Variants in PLEKHM3 observed in about 807,000 individuals in gnomAD.
PLEKHM3 encodes pleckstrin homology domain containing M3, also known as pleckstrin homology domain-containing family M member 3.
Under a neutral mutation model 81.8 loss-of-function variants are expected in PLEKHM3, and 45 were observed. The ratio of observed to expected loss-of-function variants is 0.55; its 90% CI spans 0.43 to 0.71. The LOEUF (loss-of-function observed/expected upper bound fraction) is 0.71, where lower values mean the gene tolerates loss of function less well. PLEKHM3 is among the 30% of genes least tolerant of loss of function. The pLI is 0.00. For synonymous variants in PLEKHM3, 352 were observed against 356.4 expected (o/e 0.99, Z 0.14); for missense variants, 788 against 924.3 (o/e 0.85, Z 1.91).
intron 5 of PLEKHM3, among the ~76,000 whole-genome samples, chr2:207,922,965 A>G (rs561270760): frequency 1.3e-5 from 2 of 152,340 alleles, no homozygotes; most frequent in Admixed American, 6.5e-5. Flanking sequence ...AAGCCAAGTC[A>G]AGTCGAGTCA....
At chr2:208,017,878 A>T (rs1692977259) in intron 1 of PLEKHM3, among the ~76,000 whole-genome samples, 1 of 152,206 alleles carries the variant, frequency 6.6e-6, no homozygotes, top group Non-Finnish European at 1.5e-5. Context: ...ATGAATTCAC[A>T]GATGCTCTCT....
chr2:207,836,785 C>T (rs921323989), intron 7 of PLEKHM3, among the ~76,000 whole-genome samples: 3 of 152,206 alleles, frequency 2.0e-5, no homozygotes, highest in Non-Finnish European at 4.4e-5. Context: ...TCTCCTGCTG[C>T]ATTTTTATTT....
intron 2 of PLEKHM3, among the ~76,000 whole-genome samples, chr2:207,991,205 C>T (rs1016680275): frequency 6.6e-6 from 1 of 152,188 alleles, no homozygotes. Flanking sequence ...CCATGGTGAG[C>T]TTTTGGCTCT....
chr2:207,856,246 T>C (rs1307436087), intron 7 of PLEKHM3, among the ~76,000 whole-genome samples: 2 of 152,226 alleles, frequency 1.3e-5, no homozygotes, highest in Non-Finnish European at 2.9e-5. Context: ...TGTTGTGTTT[T>C]CTTTATTAAC....
chr2:207,877,962 G>A (rs1373498855), intron 6 of PLEKHM3, among the ~76,000 whole-genome samples: 2 of 152,074 alleles, frequency 1.3e-5, no homozygotes, highest in Non-Finnish European at 2.9e-5. Context: ...TTGAGACAGG[G>A]ACTCCCTCTG....
intron 5 of PLEKHM3, among the ~76,000 whole-genome samples, chr2:207,923,903 A>AT (rs1235482345): frequency 9.2e-4 from 55 of 59,822 alleles, no homozygotes; most frequent in African/African-American, 2.0e-3. Flanking sequence ...ATATATATAT[A>AT]TATTTTTTTT....
At chr2:207,915,623 A>AT (rs1688965703) in intron 5 of PLEKHM3, among the ~76,000 whole-genome samples, 1 of 152,232 alleles carries the variant, frequency 6.6e-6, no homozygotes, top group Non-Finnish European at 1.5e-5. Flanking sequence ...TGCAATGGAA[A>AT]TATCTCATCT....
At chr2:208,019,625 T>C (rs563328872) in intron 1 of PLEKHM3, 7 of 152,382 alleles carry the variant, frequency 4.6e-5, no homozygotes, top group Non-Finnish European at 8.8e-5. Flanking sequence ...ATAAACCATA[T>C]ACATCTTAAC....
chr2:207,978,434 A>C (rs2106035955), intron 2 of PLEKHM3, among the ~76,000 whole-genome samples: 1 of 152,092 alleles, frequency 6.6e-6, no homozygotes, highest in South Asian at 2.1e-4. Context: ...CCGCCACTGG[A>C]CCTAACTCCC....
intron 5 of PLEKHM3, among the ~76,000 whole-genome samples, chr2:207,912,052 C>T (rs1024029944): frequency 6.6e-6 from 1 of 152,178 alleles, no homozygotes; most frequent in African/African-American, 2.4e-5. Flanking sequence ...TCAACAAGCA[C>T]TTACTGAGTG....
At chr2:207,882,192 C>T (rs2092595001) in intron 6 of PLEKHM3, among the ~76,000 whole-genome samples, 2 of 152,188 alleles carry the variant, frequency 1.3e-5, no homozygotes, top group African/African-American at 2.4e-5. Flanking sequence ...CACAAATTCC[C>T]ACTTATGCAA....
chr2:207,967,807 AT>A (rs1173283327), intron 3 of PLEKHM3, among the ~76,000 whole-genome samples: 1 of 152,146 alleles, frequency 6.6e-6, no homozygotes, highest in African/African-American at 2.4e-5. Context: ...AGATGTGATT[AT>A]TTTCTTACAT....
At chr2:207,844,303 C>CTTTTTTTTTTTTT in intron 7 of PLEKHM3, among the ~76,000 whole-genome samples, 1 of 125,074 alleles carries the variant, frequency 8.0e-6, no homozygotes, top group Non-Finnish European at 1.7e-5. Flanking sequence ...ATTTATTTTT[C>CTTTTTTTTTTTTT]TTTTTTTTTT....
intron 4 of PLEKHM3, among the ~76,000 whole-genome samples, chr2:207,933,022 C>T (rs1347938431): frequency 6.6e-6 from 1 of 151,964 alleles, no homozygotes; most frequent in Non-Finnish European, 1.5e-5. Context: ...AAAAAATAAA[C>T]TTCTAATTTT....
intron 7 of PLEKHM3, among the ~76,000 whole-genome samples, chr2:207,841,296 C>T (rs1250262641): frequency 5.3e-5 from 8 of 150,838 alleles, no homozygotes; most frequent in African/African-American, 1.9e-4. Flanking sequence ...GAAACCCCAT[C>T]TCTACTAAAA....
chr2:207,930,661 C>A (rs952100661), intron 5 of PLEKHM3, among the ~76,000 whole-genome samples: 1 of 152,140 alleles, frequency 6.6e-6, no homozygotes. Flanking sequence ...GAAGCCTTCA[C>A]CGTCCTGGGC....
chr2:207,923,468 A>G (rs949268485), intron 5 of PLEKHM3, among the ~76,000 whole-genome samples: 5 of 151,648 alleles, frequency 3.3e-5, no homozygotes, highest in African/African-American at 1.2e-4. Context: ...TTAGCTGGGC[A>G]TGGTGGCACA....
At chr2:207,830,503 C>G (rs1482973938) in intron 7 of PLEKHM3, among the ~76,000 whole-genome samples, 1 of 151,592 alleles carries the variant, frequency 6.6e-6, no homozygotes, top group African/African-American at 2.4e-5. Flanking sequence ...ATCCCAGCTA[C>G]TCGGGAGGCT....
chr2:207,881,348 G>A (rs908584710), intron 6 of PLEKHM3, among the ~76,000 whole-genome samples: 1 of 152,164 alleles, frequency 6.6e-6, no homozygotes, highest in Non-Finnish European at 1.5e-5. Flanking sequence ...TGTAACATTA[G>A]ATAATGTTAA....
Sources: allele counts gnomAD v4.1 joint callset (sites outside exome capture counted in the v4.1 genomes callset), GRCh38; gene constraint gnomAD v4.1.1; transcripts MANE v1.5; gene names NCBI Gene and HGNC (gene_info 2026-07-23, HGNC 2026-07-21).